The following SFMBT1 variants were observed in gnomAD, a reference collection of about 807,000 sequenced individuals.
SFMBT1 encodes the protein Scm like with four mbt domains 1.
In SFMBT1, 32 loss-of-function variants were observed where a neutral mutation model predicts 108.7. That is an observed-to-expected ratio of 0.29 (90% CI 0.22 to 0.40). The LOEUF (loss-of-function observed/expected upper bound fraction) is 0.40. SFMBT1 is among the 10% of genes least tolerant of loss of function. SFMBT1 has a pLI of 1.00. For missense variants in SFMBT1, 816 were observed against 1,059.6 expected, an observed-to-expected ratio of 0.77 and a Z score of 3.19; for synonymous variants, 348 against 369.5, an observed-to-expected ratio of 0.94 and a Z score of 0.67.
intron 1 of SFMBT1, among the ~76,000 whole-genome samples, chr3:53,031,923 G>A (rs1051676851): frequency 1.1e-4 from 17 of 152,160 alleles, no homozygotes; most frequent in African/African-American, 4.1e-4. Context: ...ATATTAAAAT[G>A]AGCTAAAAAT....
At chr3:53,038,060 C>T (rs1699921289) in intron 1 of SFMBT1, among the ~76,000 whole-genome samples, 1 of 152,054 alleles carries the variant, frequency 6.6e-6, no homozygotes, top group Non-Finnish European at 1.5e-5. Context: ...GCCAAGATTG[C>T]ACCGCTGCAC....
At chr3:52,951,072 C>T (rs1307628460) in intron 3 of SFMBT1, among the ~76,000 whole-genome samples, 1 of 133,382 alleles carries the variant, frequency 7.5e-6, no homozygotes, top group African/African-American at 2.8e-5. Flanking sequence ...GCTAGGATCA[C>T]ACCACTGCAC....
chr3:52,928,609 C>CATATATACATATATATACATATATAT (rs1559513922), intron 8 of SFMBT1: 4 of 75,530 alleles, frequency 5.3e-5, no homozygotes, highest in African/African-American at 1.6e-4. Context: ...TACATATATA[C>CATATATACATATATATACATATATAT]ATATATATAC....
chr3:52,995,317 A>G (rs1698285105), intron 1 of SFMBT1, among the ~76,000 whole-genome samples: 1 of 150,324 alleles, frequency 6.7e-6, no homozygotes, highest in African/African-American at 2.4e-5. Context: ...ATAAACCTAA[A>G]TGTAAGAGCC....
At position 52,934,871 on chromosome 3, in the gene SFMBT1, T is replaced by G. The variant is rs1444598800; in HGVS notation, c.395A>C (p.Glu132Ala). The change falls in exon 5 of 21, where the codon GAG becomes GCG. Residue 132 changes from glutamate to alanine, a missense_variant. Coordinates refer to ENST00000394752, the MANE Select transcript of SFMBT1 (RefSeq NM_016329.4). ...TCCTATCAGGGTCTGCCGCAGAAAC[T>G]CATCCCAGTCAGATACTTTATCTCT... is the stretch of plus-strand genomic sequence containing the variant. ...GIRDKVSDWD[E>A]FLRQTLIGAC... 2 of 1,613,546 alleles carry G rather than the reference T, an allele frequency of 1.2e-6. No homozygotes were observed. Among genetic ancestry groups the G allele is most frequent in the South Asian group, 2.2e-5 (2 of 90,956 alleles).
At chr3:52,939,051 T>C (rs1211430311) in intron 4 of SFMBT1, among the ~76,000 whole-genome samples, 4 of 152,358 alleles carry the variant, frequency 2.6e-5, no homozygotes, top group East Asian at 1.9e-4. Context: ...CATTCCATTG[T>C]CTTTTGACAT....
chr3:53,045,334 G>A (rs1055179835), intron 1 of SFMBT1: 3 of 144,622 alleles, frequency 2.1e-5, no homozygotes, highest in South Asian at 2.1e-4. Context: ...GAGCGAGCCC[G>A]GGGGGCGGGT....
At chr3:52,924,014 T>C (rs1005082719) in intron 10 of SFMBT1, among the ~76,000 whole-genome samples, 3 of 152,130 alleles carry the variant, frequency 2.0e-5, no homozygotes, top group Non-Finnish European at 2.9e-5. Context: ...AAAATAAAAA[T>C]AGCTTTATAG....
chr3:53,001,443 G>C (rs1382446164), intron 1 of SFMBT1, among the ~76,000 whole-genome samples: 1 of 149,680 alleles, frequency 6.7e-6, no homozygotes, highest in Admixed American at 6.8e-5. Context: ...AAAAGAAAAA[G>C]TTCCATCACT....
At chr3:52,948,182 G>A (rs147633965) in intron 3 of SFMBT1, among the ~76,000 whole-genome samples, 73 of 152,206 alleles carry the variant, frequency 4.8e-4, no homozygotes, top group Admixed American at 2.0e-3. Flanking sequence ...ATGGGTAAGG[G>A]TTTATTTGTT....
intron 2 of SFMBT1, among the ~76,000 whole-genome samples, chr3:52,955,505 A>G (rs543630025): frequency 6.6e-6 from 1 of 152,218 alleles, no homozygotes; most frequent in South Asian, 2.1e-4. Context: ...GACACAATAA[A>G]AAATGATAAA....
intron 1 of SFMBT1, among the ~76,000 whole-genome samples, chr3:53,004,668 C>G (rs924718453): frequency 6.7e-6 from 1 of 150,068 alleles, no homozygotes; most frequent in African/African-American, 2.4e-5. Context: ...AATGATAGAT[C>G]TCTGAAATTT....
intron 4 of SFMBT1, among the ~76,000 whole-genome samples, chr3:52,938,084 T>C (rs1172466133): frequency 6.6e-6 from 1 of 152,174 alleles, no homozygotes; most frequent in Non-Finnish European, 1.5e-5. Context: ...CAAAGTATCC[T>C]TTGTCAGCTA....
At chr3:52,992,514 A>G (rs1189554574) in intron 1 of SFMBT1, among the ~76,000 whole-genome samples, 3 of 152,164 alleles carry the variant, frequency 2.0e-5, no homozygotes, top group African/African-American at 4.8e-5. Context: ...TTTCTGCTTT[A>G]TATCGTGTAT....
intron 6 of SFMBT1, among the ~76,000 whole-genome samples, chr3:52,931,503 T>A (rs1389144273): frequency 1.3e-5 from 2 of 152,032 alleles, no homozygotes; most frequent in Non-Finnish European, 1.5e-5. Context: ...ATGAGGTATA[T>A]CAATATGTGT....
rs1454359361 is a variant in SFMBT1 at position 52,916,186 on chromosome 3, C to A, written c.1444G>T (p.Gly482Cys). 1 of 1,613,724 alleles carries A rather than the reference C, an allele frequency of 6.2e-7. No homozygotes were observed. Among genetic ancestry groups the A allele is most frequent in the African/African-American group, 1.3e-5 (1 of 74,836 alleles). Residue 482 changes from glycine to cysteine, a missense_variant, in exon 14 of 21, where the codon GGC becomes TGC. Coordinates refer to ENST00000394752, the MANE Select transcript of SFMBT1 (RefSeq NM_016329.4). ...GAGTTCAGCTCCTGATTCCTCAGGC[C>A]CTCGTGGACAGTCCTCGAGGATGGT... ...QVPSSRTVHE[G>C]LRNQELNSTE...
chr3:52,946,040 T>C (rs1703355273), intron 3 of SFMBT1, among the ~76,000 whole-genome samples: 1 of 152,204 alleles, frequency 6.6e-6, no homozygotes, highest in Non-Finnish European at 1.5e-5. Flanking sequence ...CTTGATTTCA[T>C]ACAAGTTAAC....
At chr3:53,000,927 A>T (rs923673000) in intron 1 of SFMBT1, among the ~76,000 whole-genome samples, 2 of 150,334 alleles carry the variant, frequency 1.3e-5, no homozygotes, top group African/African-American at 4.8e-5. Flanking sequence ...AATGAAAAAA[A>T]ATATATGAAA....
chr3:53,032,690 C>G (rs760644684), intron 1 of SFMBT1, among the ~76,000 whole-genome samples: 2 of 152,190 alleles, frequency 1.3e-5, no homozygotes, highest in Non-Finnish European at 2.9e-5. Flanking sequence ...TATTTAGTGT[C>G]TACTCTGTGC....
Sources: gnomAD v4.1 joint callset for allele counts (sites outside exome capture counted in the v4.1 genomes callset) on GRCh38, gnomAD v4.1.1 for gene constraint, MANE v1.5 for transcripts, NCBI Gene and HGNC (gene_info 2026-07-23, HGNC 2026-07-21) for gene names.